Variants in PHC2 observed in about 807,000 individuals in gnomAD.
PHC2 encodes the protein polyhomeotic-like protein 2.
In PHC2, 29 loss-of-function variants were observed where a neutral mutation model predicts 87.4. The observed-to-expected ratio is 0.33, with a 90% confidence interval of 0.25 to 0.45. The LOEUF (loss-of-function observed/expected upper bound fraction) is 0.45, where lower values mean the gene tolerates loss of function less well. PHC2 is among the 20% of genes least tolerant of loss of function. The pLI is 1.00. For synonymous variants in PHC2, 438 were observed against 461.7 expected (o/e 0.95, Z 0.66); for missense variants, 857 against 1,136.7 (o/e 0.75, Z 3.54).
At chr1:33,350,057 G>C (rs1386308995) in intron 9 of PHC2, among the ~76,000 whole-genome samples, 1 of 151,450 alleles carries the variant, frequency 6.6e-6, no homozygotes, top group African/African-American at 2.4e-5. Flanking sequence ...AGGCGGGTTA[G>C]GGACGCCCGG....
chr1:33,333,691 T>G, intron 10 of PHC2: 1 of 226,256 alleles, frequency 4.4e-6, no homozygotes. Flanking sequence ...CAATTCCTTT[T>G]GTTCCTAACT....
intron 1 of PHC2, among the ~76,000 whole-genome samples, chr1:33,428,317 G>A (rs1650764616): frequency 6.6e-6 from 1 of 152,182 alleles, no homozygotes; most frequent in Non-Finnish European, 1.5e-5. Flanking sequence ...TGACTGAGAA[G>A]ATTGCTTAAA....
rs991014573 is a variant in PHC2 at position 33,349,208 on chromosome 1, G to C, written c.1558+5193C>G. Reference sequence around the variant, plus strand: ...CGAAGCCGCAGGCGCCTCCAAGATAGGGAGTCCACCACCAATAAAGTACGG... The same window carrying C: ...CGAAGCCGCAGGCGCCTCCAAGATACGGAGTCCACCACCAATAAAGTACGG... On this transcript the variant is annotated intron_variant, in intron 9 of 14. Coordinates refer to ENST00000683057, the MANE Select transcript of PHC2 (RefSeq NM_001385109.1). This position sits in a 1 kb window ranked among gnomAD's most constrained non-coding sequence, Gnocchi z 4.2. 7 of 985,306 alleles carry C rather than the reference G, an allele frequency of 7.1e-6. No individual in the cohort carries two copies. The African/African-American group carries it at 1.2e-4, about 17-fold the overall frequency. 61.0% of individuals were successfully genotyped at this position (985,306 alleles called of 1,614,324 possible).
Position 33,332,568 on chromosome 1 carries a change from T to G in PHC2, c.1762-164A>C. On this transcript the variant is annotated intron_variant, in intron 10 of 14. Coordinates refer to ENST00000683057, the MANE Select transcript of PHC2 (RefSeq NM_001385109.1). This position sits in a 1 kb window ranked among gnomAD's most constrained non-coding sequence, Gnocchi z 4.2. ...CAAGTGTGCTGGGCTCAAGGCCCTA[T>G]TTTGCTGGTTGGCTCACGAGGTAAG... 1 of 833,454 alleles carries G rather than the reference T, an allele frequency of 1.2e-6. No homozygotes were observed. The highest frequency in any genetic ancestry group is 2.5e-5 in the East Asian group (1 of 39,360). 51.6% of individuals were successfully genotyped at this position (833,454 alleles called of 1,614,324 possible). A position where few individuals can be genotyped will look rare whatever the true frequency, so the allele number is the denominator to read the frequency against.
chr1:33,344,355 A>G (rs962574975), intron 9 of PHC2, among the ~76,000 whole-genome samples: 5 of 152,238 alleles, frequency 3.3e-5, no homozygotes, highest in African/African-American at 1.2e-4. Context: ...TAATATTGTT[A>G]GATAAATGTC....
chr1:33,355,513 C>G (rs1308824987), intron 7 of PHC2, among the ~76,000 whole-genome samples: 1 of 152,228 alleles, frequency 6.6e-6, no homozygotes, highest in South Asian at 2.1e-4. Flanking sequence ...CTCAACTCCT[C>G]AAAACTAAAA....
At chr1:33,333,947 C>T (rs12044118) in intron 10 of PHC2, 143 bp downstream of exon 10, 148,187 of 710,094 alleles carry the variant, frequency 0.21, 16,749 homozygotes, top group South Asian at 0.27. Flanking sequence ...AAAGAAATGG[C>T]TCTATATTCT....
At chr1:33,425,303 C>T (rs1184331228) in intron 1 of PHC2, among the ~76,000 whole-genome samples, 1 of 152,180 alleles carries the variant, frequency 6.6e-6, no homozygotes, top group Non-Finnish European at 1.5e-5. Flanking sequence ...TTACATTTAA[C>T]CTTCAACAAC....
chr1:33,367,070 GCCC>G (rs765887124), intron 7 of PHC2, 43 bp downstream of exon 7: 12 of 1,515,650 alleles, frequency 7.9e-6, no homozygotes, highest in Non-Finnish European at 1.1e-5. Flanking sequence ...CTGACTCACG[GCCC>G]TGAGTTTTCT....
chr1:33,389,097 C>T (rs11586097), intron 1 of PHC2, among the ~76,000 whole-genome samples: 5,502 of 151,522 alleles, frequency 0.036, 143 homozygotes, highest in Non-Finnish European at 0.06. Flanking sequence ...AAAAAACCCC[C>T]TCACCTACAG....
At chr1:33,341,845 C>T (rs987785228) in intron 9 of PHC2, among the ~76,000 whole-genome samples, 3 of 152,204 alleles carry the variant, frequency 2.0e-5, no homozygotes, top group Non-Finnish European at 4.4e-5. Context: ...TAGACCCTTC[C>T]CACCTGGGGT....
rs1646929579 is a variant in PHC2, at chr1:33,349,847, C to G, written c.1558+4554G>C. 1.3e-6 allele frequency: 1 copy of G among 763,660 alleles called. No homozygotes were observed. 47.3% of individuals were successfully genotyped at this position (763,660 alleles called of 1,614,324 possible). A position where few individuals can be genotyped will look rare whatever the true frequency, so the allele number is the denominator to read the frequency against. On this transcript the variant is annotated intron_variant, in intron 9 of 14. Coordinates refer to ENST00000683057, the MANE Select transcript of PHC2 (RefSeq NM_001385109.1). The surrounding 1 kb of genome is among the most constrained non-coding windows in gnomAD (Gnocchi z 4.2). The stretch of plus-strand genomic sequence containing the variant: ...GGAGCGCGGGCGGCGGCCGGGGTTG[C>G]GCGCGCGCGCGCGGCGGGCGCTCGA...
rs944146300 is a variant in PHC2 at position 33,347,560 on chromosome 1, C to A, written c.1558+6841G>T. On this transcript the variant is annotated intron_variant, in intron 9 of 14. Coordinates refer to ENST00000683057, the MANE Select transcript of PHC2 (RefSeq NM_001385109.1). ...CTTTGTGCCACATGTCAGTAAAGAACAGTTTGGGGGAAAAAAGAAGGGGGT... is the reference window on the plus strand; with the variant it reads ...CTTTGTGCCACATGTCAGTAAAGAAAAGTTTGGGGGAAAAAAGAAGGGGGT... 6.1e-6 allele frequency: 6 copies of A among 985,162 alleles called. No homozygotes were observed. The African/African-American group carries it at 8.7e-5, about 14-fold the overall frequency. The allele number at this position is 985,162 out of a possible 1,614,324, so 61.0% of individuals were successfully genotyped here.
At chr1:33,356,271 A>ATATG (rs1553185668) in intron 7 of PHC2, among the ~76,000 whole-genome samples, 38 of 87,078 alleles carry the variant, frequency 4.4e-4, no homozygotes, top group East Asian at 9.7e-4. Context: ...ATATATATAT[A>ATATG]TATATGTATA....
intron 14 of PHC2, among the ~76,000 whole-genome samples, chr1:33,328,301 G>T (rs569544007): frequency 3.3e-5 from 5 of 151,768 alleles, no homozygotes; most frequent in African/African-American, 1.2e-4. Flanking sequence ...CTGCATGTGC[G>T]CCCTCTTGCA....
At chr1:33,339,090 C>T (rs2148227450) in intron 9 of PHC2, among the ~76,000 whole-genome samples, 1 of 152,266 alleles carries the variant, frequency 6.6e-6, no homozygotes, top group South Asian at 2.1e-4. Context: ...CTACTCAGCT[C>T]CTGTTTGTGA....
chr1:33,340,066 G>A (rs1437101603), intron 9 of PHC2, among the ~76,000 whole-genome samples: 1 of 152,156 alleles, frequency 6.6e-6, no homozygotes, highest in Non-Finnish European at 1.5e-5. Context: ...AGACCAAACG[G>A]AGCTTTTCCT....
At chr1:33,377,242 A>AG (rs1225666831) in intron 1 of PHC2, among the ~76,000 whole-genome samples, 3 of 152,238 alleles carry the variant, frequency 2.0e-5, no homozygotes, top group African/African-American at 7.2e-5. Context: ...AAAGGTGCTC[A>AG]GCAGAGTGCC....
intron 14 of PHC2, among the ~76,000 whole-genome samples, chr1:33,327,673 C>T (rs1325600745): frequency 6.6e-6 from 1 of 152,194 alleles, no homozygotes; most frequent in Non-Finnish European, 1.5e-5. Flanking sequence ...CTCCTGGATC[C>T]CTACCTGTGG....
Sources: allele counts gnomAD v4.1 joint callset (sites outside exome capture counted in the v4.1 genomes callset), GRCh38; gene constraint gnomAD v4.1.1; non-coding constraint Gnocchi (gnomAD v3.1); transcripts MANE v1.5; gene names NCBI Gene and HGNC (gene_info 2026-07-23, HGNC 2026-07-21).